Variants in CRPPA observed in about 807,000 individuals in gnomAD.
CRPPA encodes the protein CDP-L-ribitol pyrophosphorylase A, also known as D-ribitol-5-phosphate cytidylyltransferase.
CRPPA carries 43 observed loss-of-function variants against 52.0 expected under a neutral mutation model. The ratio of observed to expected loss-of-function variants is 0.83; its 90% CI spans 0.65 to 1.07. The LOEUF (loss-of-function observed/expected upper bound fraction) is 1.07, where lower values mean the gene tolerates loss of function less well. Among genes scored for constraint, CRPPA ranks in the 50% least tolerant of loss-of-function variants. The pLI, the probability that CRPPA is intolerant of heterozygous loss-of-function variation, is 0.00. For missense variants in CRPPA, 629 were observed against 551.7 expected (o/e 1.14, Z -1.40); for synonymous variants, 250 against 203.5 (o/e 1.23, Z -1.94).
rs1292380177 is a variant in CRPPA at position 16,421,102 on chromosome 7, C to A, written c.221G>T (p.Arg74Met). Residue 74 changes from arginine (R) to methionine (M), a missense_variant, in exon 1 of 10, where the codon AGG (arginine) becomes ATG (methionine). Arg to Met is a moderately conservative substitution (Grantham distance 91, BLOSUM62 -1). Coordinates refer to ENST00000407010, the MANE Select transcript of CRPPA (RefSeq NM_001101426.4). Reference protein sequence around the residue: ...TPKQFCPILERPLISYTLQAL... With the variant: ...TPKQFCPILEMPLISYTLQAL... ...CTGTAGGGTGTAGCTGATGAGCGGCCTCTCCAGGATGGGGCAGAATTGCTT... is the reference window on the plus strand; with the variant it reads ...CTGTAGGGTGTAGCTGATGAGCGGCATCTCCAGGATGGGGCAGAATTGCTT... 1 of 1,300,944 alleles carries A rather than the reference C, an allele frequency of 7.7e-7. No homozygotes were observed. 80.6% of individuals were successfully genotyped at this position (1,300,944 alleles called of 1,614,324 possible).
chr7:16,219,072 C>A (rs1454124024), intron 8 of CRPPA, among the ~76,000 whole-genome samples: 1 of 152,154 alleles, frequency 6.6e-6, no homozygotes, highest in African/African-American at 2.4e-5. Context: ...TGTAAAAGAA[C>A]AGAAATTATA....
At chr7:16,140,921 T>C (rs1300077948) in intron 9 of CRPPA, among the ~76,000 whole-genome samples, 6 of 152,206 alleles carry the variant, frequency 3.9e-5, no homozygotes, top group Admixed American at 3.9e-4. Flanking sequence ...GCATGGAACA[T>C]TTCATATGAA....
rs1390793499 is a variant in CRPPA at position 16,091,155 on chromosome 7, T to C, written c.*540A>G. The C allele has an allele frequency of 6.6e-6, 1 of 152,220 alleles. No homozygotes were observed. Among genetic ancestry groups the C allele is most frequent in the African/African-American group, 2.4e-5 (1 of 41,432 alleles). The allele number at this position is 152,220 out of a possible 1,614,324, so 9.4% of individuals were successfully genotyped here. A position where few individuals can be genotyped will look rare whatever the true frequency, so the allele number is the denominator to read the frequency against. On this transcript the variant is annotated 3_prime_UTR_variant, in exon 10 of 10. Coordinates refer to ENST00000407010, the MANE Select transcript of CRPPA (RefSeq NM_001101426.4). ...AGTAATATGTGGCAAATGGGGAAAA[T>C]GCTAGAAACAAACAGTTCCGTTCCC...
At chr7:16,335,226 G>A (rs1583528284) in intron 3 of CRPPA, among the ~76,000 whole-genome samples, 2 of 151,028 alleles carry the variant, frequency 1.3e-5, no homozygotes, top group South Asian at 2.1e-4. Flanking sequence ...TATGCACTAT[G>A]GTCCCAGCTA....
intron 3 of CRPPA, among the ~76,000 whole-genome samples, chr7:16,344,318 G>A (rs1017675900): frequency 1.3e-5 from 2 of 149,750 alleles, no homozygotes; most frequent in Non-Finnish European, 3.0e-5. Flanking sequence ...GTAATCCCAG[G>A]GCTTGGGGAG....
intron 9 of CRPPA, among the ~76,000 whole-genome samples, chr7:16,201,796 C>T (rs767392007): frequency 2.6e-5 from 4 of 152,164 alleles, no homozygotes; most frequent in Non-Finnish European, 5.9e-5. Flanking sequence ...AACTTTTGAG[C>T]TCTTAAATAA....
chr7:16,355,406 T>G (rs1786269644), intron 3 of CRPPA, among the ~76,000 whole-genome samples: 1 of 152,210 alleles, frequency 6.6e-6, no homozygotes, highest in African/African-American at 2.4e-5. Context: ...CAACTCATCA[T>G]GTACTTTAAC....
At chr7:16,138,860 G>A (rs1782811509) in intron 9 of CRPPA, among the ~76,000 whole-genome samples, 1 of 152,136 alleles carries the variant, frequency 6.6e-6, no homozygotes, top group South Asian at 2.1e-4. Flanking sequence ...AGAGTGCAAT[G>A]GCACGATCTC....
At chr7:16,190,533 C>G (rs1406590051) in intron 9 of CRPPA, among the ~76,000 whole-genome samples, 1 of 152,158 alleles carries the variant, frequency 6.6e-6, no homozygotes, top group African/African-American at 2.4e-5. Context: ...CAACACAGGT[C>G]TGATTATGCT....
chr7:16,190,677 T>G (rs1051977720), intron 9 of CRPPA, among the ~76,000 whole-genome samples: 1 of 152,088 alleles, frequency 6.6e-6, no homozygotes, highest in African/African-American at 2.4e-5. Context: ...ATGAGTAAGT[T>G]CTTTAGCGGT....
At chr7:16,145,698 C>G (rs1233483148) in intron 9 of CRPPA, among the ~76,000 whole-genome samples, 1 of 147,576 alleles carries the variant, frequency 6.8e-6, no homozygotes, top group African/African-American at 2.5e-5. Flanking sequence ...AATAAACAAA[C>G]AGAGATCTTT....
At chr7:16,312,791 T>G (rs1199132667) in intron 3 of CRPPA, among the ~76,000 whole-genome samples, 1 of 151,918 alleles carries the variant, frequency 6.6e-6, no homozygotes, top group Non-Finnish European at 1.5e-5. Context: ...CATAAATGAG[T>G]GTTGTATTTT....
intron 9 of CRPPA, among the ~76,000 whole-genome samples, chr7:16,113,861 A>G (rs1377528175): frequency 1.3e-5 from 2 of 152,048 alleles, no homozygotes; most frequent in Admixed American, 6.6e-5. Context: ...TCTCTGAATC[A>G]AGGTCTAAAG....
chr7:16,230,343 A>G (rs1782760749), intron 8 of CRPPA, among the ~76,000 whole-genome samples: 2 of 152,064 alleles, frequency 1.3e-5, no homozygotes, highest in Non-Finnish European at 2.9e-5. Flanking sequence ...TTATTTCAAA[A>G]TAACCTGTCT....
At chr7:16,149,571 C>G (rs1783035629) in intron 9 of CRPPA, among the ~76,000 whole-genome samples, 1 of 152,142 alleles carries the variant, frequency 6.6e-6, no homozygotes, top group Non-Finnish European at 1.5e-5. Context: ...AGCATTCAAG[C>G]ATACTATCAC....
At chr7:16,382,315 TG>T (rs1787116455) in intron 2 of CRPPA, among the ~76,000 whole-genome samples, 2 of 152,244 alleles carry the variant, frequency 1.3e-5, no homozygotes, top group Admixed American at 1.3e-4. Flanking sequence ...TGTTGAATAT[TG>T]GCCCCCACTC....
intron 5 of CRPPA, among the ~76,000 whole-genome samples, chr7:16,290,999 A>G (rs923378983): frequency 6.6e-6 from 1 of 152,086 alleles, no homozygotes; most frequent in African/African-American, 2.4e-5. Context: ...AAGATGACAC[A>G]CAAACGGCCA....
chr7:16,274,278 G>A (rs1240531839), intron 6 of CRPPA, among the ~76,000 whole-genome samples: 1 of 152,074 alleles, frequency 6.6e-6, no homozygotes, highest in Non-Finnish European at 1.5e-5. Flanking sequence ...TCGATCTCCT[G>A]ACTTCGTGAT....
chr7:16,419,119 G>T (rs1788265932), intron 1 of CRPPA, among the ~76,000 whole-genome samples: 1 of 152,116 alleles, frequency 6.6e-6, no homozygotes, highest in Non-Finnish European at 1.5e-5. Flanking sequence ...CCAGAGAAAT[G>T]GAATAAAGTT....
Sources: gnomAD v4.1 joint callset for allele counts (sites outside exome capture counted in the v4.1 genomes callset) on GRCh38, gnomAD v4.1.1 for gene constraint, MANE v1.5 for transcripts, NCBI Gene and HGNC (gene_info 2026-07-23, HGNC 2026-07-21) for gene names.